Variants in GAREM2 observed in about 807,000 individuals in gnomAD.
GAREM2 encodes the protein GRB2-associated and regulator of MAPK protein 2.
Under a neutral mutation model 55.6 loss-of-function variants are expected in GAREM2, and 30 were observed. That is an observed-to-expected ratio of 0.54 (90% confidence interval 0.40 to 0.73). The LOEUF is 0.73. Among genes scored for constraint, GAREM2 ranks in the 30% least tolerant of loss-of-function variants. The pLI, the probability that GAREM2 is intolerant of heterozygous loss-of-function variation, is 0.00. For synonymous variants in GAREM2, 550 were observed against 569.1 expected (o/e 0.97, Z 0.48); for missense variants, 1,075 against 1,257.7 (o/e 0.85, Z 2.20).
chr2:26,176,234 C>T, intron 1 of GAREM2, 110 bp from the exon 2 acceptor site: 1 of 1,056,530 alleles, frequency 9.5e-7, no homozygotes, highest in Non-Finnish European at 1.3e-6. Flanking sequence ...TTGTGTGGAG[C>T]TGTCCCTCAG....
chr2:26,202,786 G>A, the GAREM2 span, among the ~76,000 whole-genome samples: 1 of 152,140 alleles, frequency 6.6e-6, no homozygotes, highest in African/African-American at 2.4e-5. Context: ...TGGGCTCAAA[G>A]CTTTTGTTTT....
the GAREM2 span, chr2:26,204,150 G>A: frequency 1.2e-6 from 2 of 1,613,554 alleles, no homozygotes; most frequent in Non-Finnish European, 1.7e-6. Flanking sequence ...ACGGAGACTT[G>A]GGCGATGCCT....
chr2:26,193,495 G>T, downstream of GAREM2: 1 of 1,148,664 alleles, frequency 8.7e-7, no homozygotes, highest in Non-Finnish European at 1.3e-6. Context: ...TTCCACGAGG[G>T]CTTCTGTAAC....
chr2:26,193,558 T>C (rs752213744), downstream of GAREM2: 4 of 1,596,234 alleles, frequency 2.5e-6, no homozygotes, highest in African/African-American at 2.7e-5. Flanking sequence ...GCTAGTTATG[T>C]TTCCTTGAGG....
chr2:26,201,330 A>T, the GAREM2 span: 1 of 1,583,412 alleles, frequency 6.3e-7, no homozygotes, highest in Non-Finnish European at 8.7e-7. Flanking sequence ...TCTAGAAAAA[A>T]CACATTCCTA....
At chr2:26,200,256 A>T in the GAREM2 span, among the ~76,000 whole-genome samples, 1 of 152,158 alleles carries the variant, frequency 6.6e-6, no homozygotes, top group Admixed American at 6.5e-5. Flanking sequence ...GAATCATTTC[A>T]TGTTCACCTT....
Position 26,184,946 on chromosome 2 carries a change from G to T in GAREM2, c.1098G>T (p.Ala366=), listed in dbSNP as rs1669185104. 7.8e-7 allele frequency: 1 copy of T among 1,280,712 alleles called. No individual in the cohort carries two copies. Among genetic ancestry groups the T allele is most frequent in the Non-Finnish European group, 9.8e-7 (1 of 1,015,484 alleles). The allele number at this position is 1,280,712 out of a possible 1,614,324, so 79.3% of individuals were successfully genotyped here. A position where few individuals can be genotyped will look rare whatever the true frequency, so the allele number is the denominator to read the frequency against. The change falls in exon 4 of 6, where the codon GCG becomes GCT. Residue 366 remains alanine, a synonymous_variant. Transcript: ENST00000401533. The stretch of plus-strand genomic sequence containing the variant: ...CCACGGCCGTGCGCGAGGCGCCAGC[G>T]GAGCTCGCCGAAGACTGCGCCAGCC... The part of the protein sequence containing the change: ...EYSTAVREAP[A]ELAEDCASPR...
downstream of GAREM2, chr2:26,192,236 G>T: frequency 1.3e-6 from 1 of 783,620 alleles, no homozygotes; most frequent in Non-Finnish European, 2.2e-6. Context: ...AAAAAAAAAT[G>T]GAAGAGGGGC....
chr2:26,194,034 T>C (rs1268123184), downstream of GAREM2, among the ~76,000 whole-genome samples: 1 of 152,218 alleles, frequency 6.6e-6, no homozygotes, highest in Non-Finnish European at 1.5e-5. Context: ...CTTGTTTGCA[T>C]TTCTGAATCT....
chr2:26,187,279 C>T lies in GAREM2; in HGVS notation c.1647C>T (p.Ser549=), dbSNP rs1356397800. The T allele has an allele frequency of 6.8e-7, 1 of 1,471,352 alleles. No homozygotes were observed. Among genetic ancestry groups the T allele is most frequent in the African/African-American group, 1.4e-5 (1 of 70,402 alleles). 91.1% of individuals were successfully genotyped at this position (1,471,352 alleles called of 1,614,324 possible). The change falls in exon 6 of 6, where the codon TCC becomes TCT. Residue 549 remains serine (S), a synonymous_variant. Coordinates refer to ENST00000401533, the MANE Select transcript of GAREM2 (RefSeq NM_001168241.2). ...GCTCCCCATCGCCGGACACCTACTC[C>T]CTCTATTGCTACCCATGCACCTGGG... The part of the protein sequence containing the change: ...GSGSPSPDTY[S]LYCYPCTWGD...
downstream of GAREM2, among the ~76,000 whole-genome samples, chr2:26,194,390 TC>T (rs1315045618): frequency 6.6e-6 from 1 of 152,152 alleles, no homozygotes; most frequent in Admixed American, 6.5e-5. Context: ...TCTGCCCCTT[TC>T]AGTGCAGTAT....
At chr2:26,190,751 C>A, downstream of GAREM2, 1 of 210,212 alleles carries the variant, frequency 4.8e-6, no homozygotes, top group Non-Finnish European at 9.7e-6. Flanking sequence ...TTCTCTCATC[C>A]CAGTCCCTCC....
rs374428862 is a variant in GAREM2 at position 26,176,471 on chromosome 2, C to T, written c.240C>T (p.Pro80=). The T allele has an allele frequency of 3.0e-5, 46 of 1,547,574 alleles. No homozygotes were observed. The African/African-American group carries it at 4.9e-4, about 17-fold the overall frequency. The change falls in exon 2 of 6, where the codon CCC becomes CCT. Residue 80 remains proline, a synonymous_variant. Transcript: ENST00000401533. ...HYVIGPKIDI[P]LQYPGKFKLL... ...TCATCGGGCCCAAGATCGACATCCCCCTGCAGTACCCAGGTGTGTCCAGCC... is the reference window on the plus strand; with the variant it reads ...TCATCGGGCCCAAGATCGACATCCCTCTGCAGTACCCAGGTGTGTCCAGCC...
In GAREM2 at chr2:26,188,314, A is replaced by G; in HGVS notation, c.*57A>G. 2.3e-6 allele frequency: 3 copies of G among 1,307,680 alleles called. No homozygotes were observed. Among genetic ancestry groups the G allele is most frequent in the Non-Finnish European group, 3.0e-6 (3 of 990,108 alleles). The allele number at this position is 1,307,680 out of a possible 1,614,324, so 81.0% of individuals were successfully genotyped here. On this transcript the variant is annotated 3_prime_UTR_variant, in exon 6 of 6. Transcript: ENST00000401533. ...CTGGTATGGGGGCCCCAGGTACAGC[A>G]CTCCGGAGGAGCAGGTGCTGCCTGC...
chr2:26,202,684 T>C, the GAREM2 span, among the ~76,000 whole-genome samples: 1 of 152,352 alleles, frequency 6.6e-6, no homozygotes, highest in African/African-American at 2.4e-5. Flanking sequence ...GAGGTTGCAG[T>C]GAGCCAAGAT....
downstream of GAREM2, chr2:26,193,877 T>A: frequency 1.1e-6 from 1 of 876,192 alleles, no homozygotes; most frequent in East Asian, 2.4e-5. Flanking sequence ...AACCCACTTC[T>A]GAGTGTCACC....
At chr2:26,197,284 C>G in the GAREM2 span, among the ~76,000 whole-genome samples, 1 of 152,176 alleles carries the variant, frequency 6.6e-6, no homozygotes, top group Non-Finnish European at 1.5e-5. Context: ...TAAGCAAACC[C>G]ACGGGCAGAC....
At chr2:26,201,407 T>G in the GAREM2 span, 1 of 885,508 alleles carries the variant, frequency 1.1e-6, no homozygotes, top group African/African-American at 1.7e-5. Context: ...ACCTGTGTTT[T>G]TCACCAACTC....
downstream of GAREM2, chr2:26,191,310 G>A: frequency 6.2e-7 from 1 of 1,613,778 alleles, no homozygotes; most frequent in Non-Finnish European, 8.5e-7. Context: ...GGCATGGGGT[G>A]AACTGTTTTC....
Sources: allele counts gnomAD v4.1 joint callset (sites outside exome capture counted in the v4.1 genomes callset), GRCh38; gene constraint gnomAD v4.1.1; transcripts MANE v1.5; gene names NCBI Gene and HGNC (gene_info 2026-07-23, HGNC 2026-07-21).